Variants in ATP9B observed in about 807,000 individuals in gnomAD.
The protein encoded by ATP9B is probable phospholipid-transporting ATPase IIB.
In ATP9B, 110 loss-of-function variants were observed where a neutral mutation model predicts 146.1. The ratio of observed to expected loss-of-function variants is 0.75; its 90% CI spans 0.65 to 0.88. The LOEUF (loss-of-function observed/expected upper bound fraction) is 0.88. Ranked by LOEUF, ATP9B falls within the 40% of genes least tolerant of loss-of-function variation. The pLI is 0.00. For synonymous variants in ATP9B, 604 were observed against 569.7 expected (o/e 1.06, Z -0.86); for missense variants, 1,499 against 1,496.4 (o/e 1.00, Z -0.03).
chr18:79,072,961 C>T (rs546382740), intron 1 of ATP9B, among the ~76,000 whole-genome samples: 13 of 151,682 alleles, frequency 8.6e-5, no homozygotes, highest in East Asian at 5.8e-4. Context: ...GATGGGCGGC[C>T]GGGCAGAGAC....
chr18:79,359,444 G>C lies in ATP9B; in HGVS notation c.2994G>C (p.Leu998=). The change falls in exon 26 of 30, where the codon CTG becomes CTC. Residue 998 remains leucine (L), a synonymous_variant. Transcript: ENST00000426216. ...AGATGGCGATGCTCTACCCGGAGCTGTACAAGGACCTCACCAAGGTACGGG... is the reference window on the plus strand; with the variant it reads ...AGATGGCGATGCTCTACCCGGAGCTCTACAAGGACCTCACCAAGGTACGGG... The part of the protein sequence containing the change: ...KPEMAMLYPE[L]YKDLTKGRSL... 1 of 1,613,790 alleles carries C rather than the reference G, an allele frequency of 6.2e-7. No individual in the cohort carries two copies. Among genetic ancestry groups the C allele is most frequent in the South Asian group, 1.1e-5 (1 of 91,076 alleles).
intron 15 of ATP9B, 50 bp from the exon 16 acceptor site, chr18:79,329,091 G>T: frequency 1.4e-6 from 2 of 1,463,728 alleles, no homozygotes; most frequent in Non-Finnish European, 9.1e-7. Flanking sequence ...TCGCCTGCGT[G>T]CGGCTTTCCT....
intron 26 of ATP9B, chr18:79,361,519 AT>A (rs10718621): frequency 0.87 from 124,466 of 143,428 alleles, 53,863 homozygotes; most frequent in East Asian, 0.99. Context: ...CCATCCCTAC[AT>A]TTTTTTTTTT....
intron 12 of ATP9B, among the ~76,000 whole-genome samples, chr18:79,267,039 A>G (rs2096210478): frequency 6.6e-6 from 1 of 152,160 alleles, no homozygotes; most frequent in Admixed American, 6.5e-5. Context: ...CTGAACATTT[A>G]CATAAGAAGA....
chr18:79,135,806 T>C (rs2094440565), intron 5 of ATP9B, among the ~76,000 whole-genome samples: 1 of 152,212 alleles, frequency 6.6e-6, no homozygotes, highest in Non-Finnish European at 1.5e-5. Context: ...CGAATATCCA[T>C]TTTGAGTCTA....
chr18:79,288,504 C>G (rs957316289), intron 13 of ATP9B, among the ~76,000 whole-genome samples: 18 of 151,900 alleles, frequency 1.2e-4, no homozygotes, highest in African/African-American at 2.9e-4. Flanking sequence ...GAGCCTATGT[C>G]TGTCTCTGCA....
chr18:79,103,997 G>T (rs574728671), intron 2 of ATP9B, among the ~76,000 whole-genome samples: 3 of 152,280 alleles, frequency 2.0e-5, no homozygotes, highest in Admixed American at 1.3e-4. Context: ...CCAAGAACCG[G>T]AAGAGTCCCT....
intron 11 of ATP9B, among the ~76,000 whole-genome samples, chr18:79,234,993 C>T (rs1246581378): frequency 2.6e-5 from 4 of 152,156 alleles, no homozygotes; most frequent in Non-Finnish European, 4.4e-5. Flanking sequence ...CTGTCTCAGC[C>T]TCCCGAGTAG....
At chr18:79,217,436 T>TA (rs1417868444) in intron 11 of ATP9B, among the ~76,000 whole-genome samples, 1 of 152,186 alleles carries the variant, frequency 6.6e-6, no homozygotes, top group Admixed American at 6.5e-5. Context: ...CGCCCGCCTC[T>TA]GCCTCCCAAA....
chr18:79,299,608 C>G (rs2096576506), intron 13 of ATP9B, among the ~76,000 whole-genome samples: 1 of 152,208 alleles, frequency 6.6e-6, no homozygotes, highest in Non-Finnish European at 1.5e-5. Context: ...GGAAAGGAAT[C>G]CTCACCCTCC....
At chr18:79,360,801 G>A (rs1193948608) in intron 26 of ATP9B, 1 of 152,172 alleles carries the variant, frequency 6.6e-6, no homozygotes, top group East Asian at 1.9e-4. Context: ...GCATCATCGT[G>A]ACTACTGGGA....
intron 7 of ATP9B, among the ~76,000 whole-genome samples, chr18:79,171,002 G>A (rs943626040): frequency 6.6e-6 from 1 of 152,148 alleles, no homozygotes; most frequent in Admixed American, 6.5e-5. Context: ...CAGAATCTTC[G>A]TAGATTTTCT....
chr18:79,220,396 T>G (rs2095666252), intron 11 of ATP9B, among the ~76,000 whole-genome samples: 1 of 152,064 alleles, frequency 6.6e-6, no homozygotes, highest in South Asian at 2.1e-4. Context: ...AGCCCAGGAG[T>G]TCGAGACCAG....
At chr18:79,223,196 T>C (rs1281080265) in intron 11 of ATP9B, among the ~76,000 whole-genome samples, 1 of 152,210 alleles carries the variant, frequency 6.6e-6, no homozygotes, top group Non-Finnish European at 1.5e-5. Flanking sequence ...TGGAACAAAA[T>C]AGAGTCCAGC....
intron 12 of ATP9B, among the ~76,000 whole-genome samples, chr18:79,269,408 A>G (rs908757500): frequency 2.6e-5 from 4 of 152,180 alleles, no homozygotes; most frequent in Admixed American, 6.5e-5. Flanking sequence ...TTAATTATTG[A>G]TATTTCTTAG....
chr18:79,345,409 C>CA lies in ATP9B; in HGVS notation c.2473-18dup, dbSNP rs761776968. ...TGTTGTCGACCATAAGGCAAAATAA[C>CA]ACAGGCTTTGTTTTCCAGGTTTGTC... On this transcript the variant is annotated intron_variant, in intron 21 of 29. Coordinates refer to ENST00000426216, the MANE Select transcript of ATP9B (RefSeq NM_198531.5). The CA allele has an allele frequency of 1.9e-6, 3 of 1,611,508 alleles. No homozygotes were observed. The African/African-American group carries it at 4.0e-5, about 22-fold the overall frequency.
At chr18:79,302,461 C>T (rs1034450893) in intron 13 of ATP9B, among the ~76,000 whole-genome samples, 1 of 152,116 alleles carries the variant, frequency 6.6e-6, no homozygotes, top group Non-Finnish European at 1.5e-5. Context: ...CACACACCCC[C>T]GGGGACAAGG....
At chr18:79,131,307 A>C (rs1479115987) in intron 5 of ATP9B, among the ~76,000 whole-genome samples, 1 of 152,208 alleles carries the variant, frequency 6.6e-6, no homozygotes, top group Admixed American at 6.5e-5. Flanking sequence ...TACATAAAGA[A>C]CTCTTACAAT....
chr18:79,236,641 A>G (rs1419577925), intron 11 of ATP9B, among the ~76,000 whole-genome samples: 4 of 152,164 alleles, frequency 2.6e-5, no homozygotes, highest in Non-Finnish European at 4.4e-5. Context: ...TTTTTCCCCT[A>G]TGTGGATTTC....
Sources: gnomAD v4.1 joint callset for allele counts (sites outside exome capture counted in the v4.1 genomes callset) on GRCh38, gnomAD v4.1.1 for gene constraint, MANE v1.5 for transcripts, NCBI Gene and HGNC (gene_info 2026-07-23, HGNC 2026-07-21) for gene names.